HS2ST1: variants seen among roughly 807,000 people sequenced by gnomAD.
HS2ST1 encodes the protein 2-O-sulfotransferase.
A neutral mutation model predicts 42.9 loss-of-function variants in HS2ST1; 18 were observed. That is an observed-to-expected ratio of 0.42 (90% confidence interval 0.29 to 0.62). The LOEUF is 0.62. Ranked by LOEUF, HS2ST1 falls within the 20% of genes least tolerant of loss-of-function variation. HS2ST1 has a pLI of 0.21. For missense variants in HS2ST1, 334 were observed against 433.8 expected (o/e 0.77, Z 2.04); for synonymous variants, 146 against 152.9 (o/e 0.95, Z 0.33).
intron 1 of HS2ST1, among the ~76,000 whole-genome samples, chr1:87,039,892 G>T (rs1650476173): frequency 6.6e-6 from 1 of 152,196 alleles, no homozygotes; most frequent in Non-Finnish European, 1.5e-5. Flanking sequence ...TTTTGATGGT[G>T]TATGGAGTGA....
rs1222312384 is a variant in HS2ST1, at chr1:87,108,015, G to A, written c.*3319G>A. 2 of 152,106 alleles carry A rather than the reference G, an allele frequency of 1.3e-5. No homozygotes were observed. The highest frequency in any genetic ancestry group is 2.1e-4 in the South Asian group (1 of 4,818). 9.4% of individuals were successfully genotyped at this position (152,106 alleles called of 1,614,324 possible). ...TTTCTGATCTTAAAATTTGGTTAAT[G>A]CCTATAATCTGTTGCTTTTTCTCAA... On this transcript the variant is annotated 3_prime_UTR_variant, in exon 7 of 7. Coordinates refer to ENST00000370550, the MANE Select transcript of HS2ST1 (RefSeq NM_012262.4).
chr1:86,993,380 G>A (rs978389581), intron 1 of HS2ST1, among the ~76,000 whole-genome samples: 10 of 151,962 alleles, frequency 6.6e-5, no homozygotes, highest in African/African-American at 2.4e-4. Context: ...TGGGCGGGGG[G>A]TTGTTCCTGC....
intron 1 of HS2ST1, among the ~76,000 whole-genome samples, chr1:86,943,217 A>T (rs574585614): frequency 2.6e-5 from 4 of 152,342 alleles, no homozygotes; most frequent in African/African-American, 9.6e-5. Context: ...GTAAAGTCTT[A>T]GTATTACAAA....
intron 1 of HS2ST1, among the ~76,000 whole-genome samples, chr1:86,982,252 G>T (rs1218654577): frequency 6.6e-6 from 1 of 152,188 alleles, no homozygotes; most frequent in African/African-American, 2.4e-5. Flanking sequence ...CCTATGATGG[G>T]AGGGGCTGCC....
At position 87,025,191 on chromosome 1, in the gene HS2ST1, G is replaced by C. The variant is rs909788777; in HGVS notation, c.125-47743G>C. 2.0e-5 allele frequency among the ~76,000 whole-genome samples: 3 copies of C among 152,246 alleles called. No homozygotes were observed. The East Asian group carries it at 5.8e-4, about 29-fold the overall frequency. On this transcript the variant is annotated intron_variant, in intron 1 of 6. Transcript: ENST00000370550. ...ACACTTCTGGAACTGGAGAAGTGAAGAACAGGGGACCTGCAGACTGGGACT... is the reference window on the plus strand; with the variant it reads ...ACACTTCTGGAACTGGAGAAGTGAACAACAGGGGACCTGCAGACTGGGACT...
At chr1:86,985,453 C>CACATATATACACATATAT (rs1557504838) in intron 1 of HS2ST1, among the ~76,000 whole-genome samples, 1 of 61,572 alleles carries the variant, frequency 1.6e-5, no homozygotes, top group African/African-American at 4.4e-5. Context: ...CACATATATA[C>CACATATATACACATATAT]ACACATATAT....
chr1:86,981,884 G>C (rs1648605182), intron 1 of HS2ST1, among the ~76,000 whole-genome samples: 2 of 152,202 alleles, frequency 1.3e-5, no homozygotes, highest in Non-Finnish European at 2.9e-5. Context: ...CTCTCTGTTG[G>C]GGCTCCAACC....
chr1:87,013,368 T>G (rs945765163), intron 1 of HS2ST1, among the ~76,000 whole-genome samples: 2 of 152,256 alleles, frequency 1.3e-5, no homozygotes, highest in African/African-American at 2.4e-5. Flanking sequence ...GGCTTGGTGC[T>G]TGCACCCTTT....
chr1:86,939,045 T>C (rs191887311), intron 1 of HS2ST1, among the ~76,000 whole-genome samples: 359 of 152,286 alleles, frequency 2.4e-3, no homozygotes, highest in Non-Finnish European at 4.4e-3. Flanking sequence ...TGTGAAGTGG[T>C]TATGCAAATA....
intron 1 of HS2ST1, among the ~76,000 whole-genome samples, chr1:87,068,784 ATAAAG>A (rs372222173): frequency 1.4e-4 from 21 of 152,372 alleles, no homozygotes; most frequent in African/African-American, 4.8e-4. Context: ...TATTCTTACA[ATAAAG>A]TAAACTAGAG....
chr1:86,918,267 T>C (rs554331168), intron 1 of HS2ST1, among the ~76,000 whole-genome samples: 177 of 152,232 alleles, frequency 1.2e-3, no homozygotes, highest in African/African-American at 4.1e-3. Context: ...AAAAAACAAA[T>C]ATGGCATTGT....
At chr1:87,003,971 T>C (rs981983959) in intron 1 of HS2ST1, among the ~76,000 whole-genome samples, 1 of 152,238 alleles carries the variant, frequency 6.6e-6, no homozygotes, top group South Asian at 2.1e-4. Context: ...GTTTGTTTTT[T>C]AGTCCTCAGC....
At chr1:86,926,623 C>T (rs1277284529) in intron 1 of HS2ST1, among the ~76,000 whole-genome samples, 1 of 152,164 alleles carries the variant, frequency 6.6e-6, no homozygotes, top group African/African-American at 2.4e-5. Context: ...GTCTCTTTTA[C>T]TTCATCTTGG....
At position 87,073,192 on chromosome 1, in the gene HS2ST1, T is replaced by A; in HGVS notation, c.363+20T>A. ...GATCAGGTAATTACCACTTAAGGAA[T>A]GCCCAAATATTTTCTAATACTTCCT... On this transcript the variant is annotated intron_variant, in intron 2 of 6. Transcript: ENST00000370550. 4 of 1,494,992 alleles carry A rather than the reference T, an allele frequency of 2.7e-6. No individual in the cohort carries two copies. Among genetic ancestry groups the A allele is most frequent in the South Asian group, 2.3e-5 (2 of 88,518 alleles). 92.6% of individuals were successfully genotyped at this position (1,494,992 alleles called of 1,614,324 possible).
At chr1:87,028,414 T>TA (rs1213121608) in intron 1 of HS2ST1, among the ~76,000 whole-genome samples, 3 of 152,228 alleles carry the variant, frequency 2.0e-5, no homozygotes, top group South Asian at 2.1e-4. Flanking sequence ...TTTACTGTCT[T>TA]AAAAAAAATA....
chr1:87,104,439 A>G (rs1360669886), intron 6 of HS2ST1, 31 bp from the exon 7 acceptor site: 1 of 1,385,500 alleles, frequency 7.2e-7, no homozygotes, highest in Admixed American at 1.8e-5. Context: ...AGAATTATTT[A>G]CCTTTCCTTT....
At chr1:87,006,522 A>G (rs1649440659) in intron 1 of HS2ST1, among the ~76,000 whole-genome samples, 1 of 152,170 alleles carries the variant, frequency 6.6e-6, no homozygotes, top group Admixed American at 6.5e-5. Flanking sequence ...ATTAAAGGCA[A>G]CACTTAGTAA....
chr1:87,058,841 A>T (rs544450816), intron 1 of HS2ST1, among the ~76,000 whole-genome samples: 1 of 151,650 alleles, frequency 6.6e-6, no homozygotes, highest in East Asian at 1.9e-4. Flanking sequence ...GCGGGGAATC[A>T]TGAGGTCAGG....
intron 1 of HS2ST1, among the ~76,000 whole-genome samples, chr1:87,002,775 T>A (rs1649329361): frequency 6.6e-6 from 1 of 152,124 alleles, no homozygotes; most frequent in Non-Finnish European, 1.5e-5. Context: ...CCCTTTTTGG[T>A]CACCTACAAC....
Sources: gnomAD v4.1 joint callset for allele counts (sites outside exome capture counted in the v4.1 genomes callset) on GRCh38, gnomAD v4.1.1 for gene constraint, MANE v1.5 for transcripts, NCBI Gene and HGNC (gene_info 2026-07-23, HGNC 2026-07-21) for gene names.